The following SIVA1 variants were observed in gnomAD, a reference collection of about 807,000 sequenced individuals.
The protein encoded by SIVA1 is apoptosis regulatory protein Siva.
In SIVA1, 10 loss-of-function variants were observed where a neutral mutation model predicts 19.7. The ratio of observed to expected loss-of-function variants is 0.51; its 90% CI spans 0.31 to 0.86. The LOEUF (loss-of-function observed/expected upper bound fraction) is 0.86, where lower values mean the gene tolerates loss of function less well. Among genes scored for constraint, SIVA1 ranks in the 40% least tolerant of loss-of-function variants. The pLI is 0.04. For synonymous variants in SIVA1, 130 were observed against 106.1 expected (o/e 1.23, Z -1.39); for missense variants, 241 against 245.2 (o/e 0.98, Z 0.11).
chr14:104,755,338 C>T (rs565691142), intron 1 of SIVA1, among the ~76,000 whole-genome samples: 1 of 152,126 alleles, frequency 6.6e-6, no homozygotes, highest in Non-Finnish European at 1.5e-5. Flanking sequence ...GAAAATGAGC[C>T]GAGTGATAGG....
Position 104,759,343 on chromosome 14 carries a change from C to A in SIVA1, c.471-85C>A. 1 of 1,177,432 alleles carries A rather than the reference C, an allele frequency of 8.5e-7. No individual in the cohort carries two copies. Among genetic ancestry groups the A allele is most frequent in the Non-Finnish European group, 1.2e-6 (1 of 808,986 alleles). The allele number at this position is 1,177,432 out of a possible 1,614,324, so 72.9% of individuals were successfully genotyped here. A position where few individuals can be genotyped will look rare whatever the true frequency, so the allele number is the denominator to read the frequency against. ...TGTCCTGAGGTGTTCTGGGTTAGGA[C>A]TTTGACGTTTGAATGGTGGGGGGTG... On this transcript the variant is annotated intron_variant, in intron 3 of 3. Transcript: ENST00000329967. This position sits in a 1 kb window ranked among gnomAD's most constrained non-coding sequence, Gnocchi z 4.2.
At chr14:104,756,524 TGCATGGAG>T in intron 2 of SIVA1, 72 bp from the exon 3 acceptor site, 6 of 1,539,098 alleles carry the variant, frequency 3.9e-6, no homozygotes, top group Non-Finnish European at 4.5e-6. Context: ...CCCTCAGGTA[TGCATGGAG>T]GCAGGTAGCC....
At position 104,753,150 on chromosome 14, in the gene SIVA1, G is replaced by C; in HGVS notation, c.-52G>C. 1 of 1,237,836 alleles carries C rather than the reference G, an allele frequency of 8.1e-7. No homozygotes were observed. Among genetic ancestry groups the C allele is most frequent in the Non-Finnish European group, 1.1e-6 (1 of 878,584 alleles). The allele number at this position is 1,237,836 out of a possible 1,614,324, so 76.7% of individuals were successfully genotyped here. Reference sequence around the variant, plus strand: ...CGCGCAGCTGTGACGTCACGGCGTCGTTGGTAAGGGGCTGGCGGCCGGGGA... The same window carrying C: ...CGCGCAGCTGTGACGTCACGGCGTCCTTGGTAAGGGGCTGGCGGCCGGGGA... On this transcript the variant is annotated 5_prime_UTR_variant, in exon 1 of 4. Transcript: ENST00000329967.
chr14:104,755,842 C>G lies in SIVA1; in HGVS notation c.313+18C>G, dbSNP rs768701894. The G allele has an allele frequency of 6.2e-7, 1 of 1,609,738 alleles. No individual in the cohort carries two copies. The highest frequency in any genetic ancestry group is 8.5e-7 in the Non-Finnish European group (1 of 1,177,944). Reference sequence around the variant, plus strand: ...CGAAGCTGGTGAGTGGCACCAGCAGCCCTTTGTGGCTGTGGCACTGAGGGC... The same window carrying G: ...CGAAGCTGGTGAGTGGCACCAGCAGGCCTTTGTGGCTGTGGCACTGAGGGC... On this transcript the variant is annotated intron_variant, in intron 2 of 3. Coordinates refer to ENST00000329967, the MANE Select transcript of SIVA1 (RefSeq NM_006427.4).
chr14:104,753,454 G>A, intron 1 of SIVA1, 135 bp downstream of exon 1: 1 of 615,610 alleles, frequency 1.6e-6, no homozygotes, highest in Non-Finnish European at 2.7e-6. Flanking sequence ...GAAGCTGGGA[G>A]GCCGCGGGGA....
chr14:104,759,192 C>T lies in SIVA1; in HGVS notation c.471-236C>T, dbSNP rs1240806826. ...CTCCCTGTATCTTCATGTCGTCTTC[C>T]TTCTCTGTGTCCTTCTCTTCACGTA... On this transcript the variant is annotated intron_variant, in intron 3 of 3. Transcript: ENST00000329967. This position sits in a 1 kb window ranked among gnomAD's most constrained non-coding sequence, Gnocchi z 4.2. 3 of 411,916 alleles carry T rather than the reference C, an allele frequency of 7.3e-6. No homozygotes were observed. The highest frequency in any genetic ancestry group is 1.3e-5 in the Non-Finnish European group (3 of 229,292). The allele number at this position is 411,916 out of a possible 1,614,324, so 25.5% of individuals were successfully genotyped here.
chr14:104,759,340 G>C lies in SIVA1; in HGVS notation c.471-88G>C. ...TCATGTCCTGAGGTGTTCTGGGTTAGGACTTTGACGTTTGAATGGTGGGGG... is the reference window on the plus strand; with the variant it reads ...TCATGTCCTGAGGTGTTCTGGGTTACGACTTTGACGTTTGAATGGTGGGGG... On this transcript the variant is annotated intron_variant, in intron 3 of 3. Transcript: ENST00000329967. This position sits in a 1 kb window ranked among gnomAD's most constrained non-coding sequence, Gnocchi z 4.2. 8.9e-7 allele frequency: 1 copy of C among 1,122,138 alleles called. No individual in the cohort carries two copies. The highest frequency in any genetic ancestry group is 1.3e-6 in the Non-Finnish European group (1 of 760,408). The allele number at this position is 1,122,138 out of a possible 1,614,324, so 69.5% of individuals were successfully genotyped here. A position where few individuals can be genotyped will look rare whatever the true frequency, so the allele number is the denominator to read the frequency against.
Position 104,753,435 on chromosome 14 carries a change from G to C in SIVA1, c.118+116G>C, listed in dbSNP as rs961653232. On this transcript the variant is annotated intron_variant, in intron 1 of 3. Coordinates refer to ENST00000329967, the MANE Select transcript of SIVA1 (RefSeq NM_006427.4). ...CTGGAGGGCCCTGCTTTCTGGCCCC[G>C]CGTTCCCGGAAGCTGGGAGGCCGCG... 33 of 695,882 alleles carry C rather than the reference G, an allele frequency of 4.7e-5. 1 individual carries two copies. In the African/African-American group the frequency reaches 4.7e-4, roughly 10 times the overall value. The allele number at this position is 695,882 out of a possible 1,614,324, so 43.1% of individuals were successfully genotyped here. A position where few individuals can be genotyped will look rare whatever the true frequency, so the allele number is the denominator to read the frequency against.
chr14:104,753,880 C>T (rs1254829194), intron 1 of SIVA1: 6 of 414,924 alleles, frequency 1.4e-5, no homozygotes, highest in Middle Eastern at 3.5e-4. Flanking sequence ...GTGGTCGGGG[C>T]AGGCACAGGT....
chr14:104,755,546 T>G, intron 1 of SIVA1, 84 bp from the exon 2 acceptor site: 1 of 1,224,750 alleles, frequency 8.2e-7, no homozygotes, highest in Non-Finnish European at 1.2e-6. Context: ...ATGGGGTTCA[T>G]GTGAGGCTAG....
chr14:104,753,796 G>A (rs1269179919), intron 1 of SIVA1: 6 of 454,712 alleles, frequency 1.3e-5, no homozygotes, highest in Admixed American at 7.1e-5. Context: ...CCAAAGGCAG[G>A]CAAGACAGAT....
At chr14:104,755,568 G>T in intron 1 of SIVA1, 62 bp from the exon 2 acceptor site, 1 of 1,417,346 alleles carries the variant, frequency 7.1e-7, no homozygotes, top group Non-Finnish European at 9.8e-7. Context: ...AAGACTCAAT[G>T]GCCATGCAGG....
chr14:104,753,253 G>A lies in SIVA1; in HGVS notation c.52G>A (p.Val18Ile). The A allele has an allele frequency of 6.3e-7, 1 of 1,598,832 alleles. No individual in the cohort carries two copies. Among genetic ancestry groups the A allele is most frequent in the Non-Finnish European group, 8.5e-7 (1 of 1,174,834 alleles). ...GGACGTGGCCCCGCTACAGCTCAAG[G>A]TCCGCGTGAGCCAGAGGGAGTTGAG... ...FADVAPLQLK[V>I]RVSQRELSRG... is the part of the protein sequence containing the mutation. The change falls in exon 1 of 4, where the codon GTC becomes ATC. Residue 18 changes from valine to isoleucine, a missense_variant. Physicochemically the swap from Val to Ile is conservative, Grantham distance 29 (BLOSUM62 3). Coordinates refer to ENST00000329967, the MANE Select transcript of SIVA1 (RefSeq NM_006427.4).
rs1892008772 is a variant in SIVA1 at position 104,759,353 on chromosome 14, T to G, written c.471-75T>G. 4 of 1,300,808 alleles carry G rather than the reference T, an allele frequency of 3.1e-6. No individual in the cohort carries two copies. The highest frequency in any genetic ancestry group is 2.9e-5 in the African/African-American group (2 of 68,280). The allele number at this position is 1,300,808 out of a possible 1,614,324, so 80.6% of individuals were successfully genotyped here. A position where few individuals can be genotyped will look rare whatever the true frequency, so the allele number is the denominator to read the frequency against. On this transcript the variant is annotated intron_variant, in intron 3 of 3. Coordinates refer to ENST00000329967, the MANE Select transcript of SIVA1 (RefSeq NM_006427.4). The surrounding 1 kb of genome is among the most constrained non-coding windows in gnomAD (Gnocchi z 4.2). ...TGTTCTGGGTTAGGACTTTGACGTT[T>G]GAATGGTGGGGGGTGGTGGACACAA...
intron 3 of SIVA1, chr14:104,757,377 G>A: frequency 2.8e-6 from 1 of 360,524 alleles, no homozygotes; most frequent in Admixed American, 3.6e-5. Flanking sequence ...TGGCTCCATA[G>A]ACCCAAAGCA....
chr14:104,754,796 C>A (rs943370803), intron 1 of SIVA1, among the ~76,000 whole-genome samples: 1 of 152,116 alleles, frequency 6.6e-6, no homozygotes, highest in African/African-American at 2.4e-5. Flanking sequence ...TGTGGGGGGC[C>A]AGGAGGAAGG....
At position 104,755,661 on chromosome 14, in the gene SIVA1, C is replaced by G. The variant is rs1566808786; in HGVS notation, c.150C>G (p.Ala50=). ...EKTKRLLFLG[A]QAYLDHVWDE... ...CCAAGCGACTCCTGTTCCTCGGGGC[C>G]CAGGCCTACCTGGACCACGTGTGGG... Residue 50 remains alanine, a synonymous_variant, in exon 2 of 4, where the codon GCC becomes GCG. Coordinates refer to ENST00000329967, the MANE Select transcript of SIVA1 (RefSeq NM_006427.4). 6.2e-7 allele frequency: 1 copy of G among 1,613,538 alleles called. No homozygotes were observed. Among genetic ancestry groups the G allele is most frequent in the Admixed American group, 1.7e-5 (1 of 59,922 alleles).
At chr14:104,756,804 A>G (rs768897972) in intron 3 of SIVA1, 44 bp downstream of exon 3, 3 of 1,565,420 alleles carry the variant, frequency 1.9e-6, no homozygotes, top group Admixed American at 3.6e-5. Context: ...CCATAGCCCC[A>G]GCAAGCCGTG....
At chr14:104,754,603 G>A (rs763929671) in intron 1 of SIVA1, among the ~76,000 whole-genome samples, 1 of 152,212 alleles carries the variant, frequency 6.6e-6, no homozygotes, top group Non-Finnish European at 1.5e-5. Flanking sequence ...GGTCTGCTGG[G>A]TGCAGTGGGC....
Sources: gnomAD v4.1 joint callset for allele counts (sites outside exome capture counted in the v4.1 genomes callset) on GRCh38, gnomAD v4.1.1 for gene constraint, Gnocchi (gnomAD v3.1) non-coding constraint, MANE v1.5 for transcripts, NCBI Gene and HGNC (gene_info 2026-07-23, HGNC 2026-07-21) for gene names.